The following ADGRL1 variants were observed in gnomAD, a reference collection of about 807,000 sequenced individuals.
The protein encoded by ADGRL1 is CIRL-1.
In ADGRL1, 31 loss-of-function variants were observed where a neutral mutation model predicts 148.9. That is an observed-to-expected ratio of 0.21 (90% CI 0.16 to 0.28). The LOEUF is 0.28. Ranked by LOEUF, ADGRL1 falls within the 10% of genes least tolerant of loss-of-function variation. The probability of loss-of-function intolerance (pLI) is 1.00; values close to 1 mark genes in which losing one functional copy is unlikely to be tolerated. For missense variants in ADGRL1, 1,521 were observed against 2,058.8 expected (o/e 0.74, Z 5.05); for synonymous variants, 937 against 900.3 (o/e 1.04, Z -0.73).
intron 4 of ADGRL1, among the ~76,000 whole-genome samples, chr19:14,166,837 T>C (rs529936307): frequency 1.4e-3 from 207 of 150,898 alleles, no homozygotes; most frequent in Non-Finnish European, 1.5e-3. Flanking sequence ...AGGGTGGAGA[T>C]GCCCGTGGCC....
At position 14,157,267 on chromosome 19, in the gene ADGRL1, T is replaced by C; in HGVS notation, c.2729A>G (p.Asp910Gly). 1.2e-6 allele frequency: 2 copies of C among 1,614,106 alleles called. No individual in the cohort carries two copies. The highest frequency in any genetic ancestry group is 1.7e-6 in the Non-Finnish European group (2 of 1,180,020). ...LAELLFLVGI[D>G]KTQYEIACPI... ...CCAGCCCACCTCATACTGAGTCTTGTCGATCCCGACCAGGAAGAGCAGCTC... is the reference window on the plus strand; with the variant it reads ...CCAGCCCACCTCATACTGAGTCTTGCCGATCCCGACCAGGAAGAGCAGCTC... Residue 910 changes from aspartate to glycine, a missense_variant, in exon 14 of 23, where the codon GAC (aspartate) becomes GGC (glycine). Physicochemically the swap from Asp to Gly is moderately conservative, Grantham distance 94. Coordinates refer to ENST00000361434, the MANE Select transcript of ADGRL1 (RefSeq NM_014921.5). This position sits in a 1 kb window ranked among gnomAD's most constrained non-coding sequence, Gnocchi z 7.5.
intron 1 of ADGRL1, among the ~76,000 whole-genome samples, chr19:14,199,297 C>T (rs1972455973): frequency 1.3e-5 from 2 of 152,162 alleles, no homozygotes; most frequent in Non-Finnish European, 2.9e-5. Flanking sequence ...TTTTTTGGAG[C>T]ATCTTCTATG....
rs760639433 is a variant in ADGRL1, at chr19:14,151,289, A to G, written c.3994T>C (p.Tyr1332His). The part of the protein sequence containing the change: ...GADRAEIELL[Y>H]KALEEPLLLP... ...AGCAGAGGCTCCTCCAGGGCCTTATAGAGAAGTTCAATCTCGGCCCGGTCA... is the reference window on the plus strand; with the variant it reads ...AGCAGAGGCTCCTCCAGGGCCTTATGGAGAAGTTCAATCTCGGCCCGGTCA... The change falls in exon 23 of 23, where the codon TAT (tyrosine) becomes CAT (histidine). Residue 1332 changes from tyrosine (Y) to histidine (H), a missense_variant. Physicochemically the swap from Tyr to His is moderately conservative, Grantham distance 83. This residue lies in a region of ADGRL1 where 390 missense variants were observed against 375.0 expected (regional missense o/e 1.04). Coordinates refer to ENST00000361434, the MANE Select transcript of ADGRL1 (RefSeq NM_014921.5). 1 of 1,611,342 alleles carries G rather than the reference A, an allele frequency of 6.2e-7. No individual in the cohort carries two copies. The highest frequency in any genetic ancestry group is 8.5e-7 in the Non-Finnish European group (1 of 1,179,392).
chr19:14,152,040 C>T lies in ADGRL1; in HGVS notation c.3667+93G>A, dbSNP rs145662334. ...GAAATGTGGGCATGGGGAGGCATCC[C>T]GAGTTCTCCTCCTTAAGTGAGGCCG... On this transcript the variant is annotated intron_variant, in intron 22 of 22. Transcript: ENST00000361434. This position sits in a 1 kb window ranked among gnomAD's most constrained non-coding sequence, Gnocchi z 6.1. The T allele has an allele frequency of 9.2e-4, 1,110 of 1,209,610 alleles. 2 individuals carry two copies. The highest frequency in any genetic ancestry group is 1.2e-3 in the Non-Finnish European group (1,006 of 813,754). 74.9% of individuals were successfully genotyped at this position (1,209,610 alleles called of 1,614,324 possible).
chr19:14,169,019 G>A (rs1162105652), intron 4 of ADGRL1: 1 of 152,242 alleles, frequency 6.6e-6, no homozygotes, highest in African/African-American at 2.4e-5. Flanking sequence ...ATGCGTTGTC[G>A]CTACTCCTTG....
intron 18 of ADGRL1, among the ~76,000 whole-genome samples, chr19:14,153,989 AGAG>A (rs901177698): frequency 2.6e-5 from 4 of 151,936 alleles, no homozygotes; most frequent in Admixed American, 1.3e-4. Context: ...TAAATAGATC[AGAG>A]GAGGCCTCAT....
Position 14,163,321 on chromosome 19 carries a change from C to T in ADGRL1, c.480G>A (p.Lys160=), listed in dbSNP as rs1269825767. The change falls in exon 5 of 23, where the codon AAG becomes AAA. Residue 160 remains lysine (K), a synonymous_variant. Coordinates refer to ENST00000361434, the MANE Select transcript of ADGRL1 (RefSeq NM_014921.5). ...TGCGGTCACCCGCCTGCAGCGGGTC[C>T]TTGCACCATGCGCCAGACTGGTGCT... The part of the protein sequence containing the change: ...ESEHQSGAWC[K]DPLQAGDRIY... The T allele has an allele frequency of 6.2e-7, 1 of 1,612,890 alleles. No individual in the cohort carries two copies.
intron 4 of ADGRL1, 136 bp from the exon 5 acceptor site, chr19:14,163,542 G>C: frequency 1.5e-6 from 1 of 686,220 alleles, no homozygotes; most frequent in Non-Finnish European, 2.4e-6. Flanking sequence ...GGGGAGCCAG[G>C]TTGTCCCCTC....
chr19:14,196,887 T>C (rs1033653326), intron 1 of ADGRL1, among the ~76,000 whole-genome samples: 2 of 152,130 alleles, frequency 1.3e-5, no homozygotes, highest in Non-Finnish European at 2.9e-5. Context: ...TACTAGATGC[T>C]GGCTCTGCAG....
rs996317248 is a variant in ADGRL1 at position 14,152,990 on chromosome 19, G to A, written c.3295-78C>T. Reference sequence around the variant, plus strand: ...CAGTCTCCCACAGGGCTGGTCACAAGACAGGCAGCCTTGGGAGGCCGGAGA... The same window carrying A: ...CAGTCTCCCACAGGGCTGGTCACAAAACAGGCAGCCTTGGGAGGCCGGAGA... On this transcript the variant is annotated intron_variant, in intron 18 of 22. Transcript: ENST00000361434. The surrounding 1 kb of genome is among the most constrained non-coding windows in gnomAD (Gnocchi z 6.1). 1.1e-5 allele frequency: 17 copies of A among 1,551,972 alleles called. No homozygotes were observed. Among genetic ancestry groups the A allele is most frequent in the Non-Finnish European group, 1.4e-5 (16 of 1,140,914 alleles).
intron 1 of ADGRL1, among the ~76,000 whole-genome samples, chr19:14,203,378 C>T (rs1972745243): frequency 6.6e-6 from 1 of 152,166 alleles, no homozygotes; most frequent in African/African-American, 2.4e-5. Context: ...CCCACTCCTC[C>T]CGTTCCTCTT....
chr19:14,163,476 G>GAA, intron 4 of ADGRL1, 70 bp from the exon 5 acceptor site: 1 of 1,064,634 alleles, frequency 9.4e-7, no homozygotes, highest in Non-Finnish European at 1.3e-6. Context: ...GAGAGAGAGA[G>GAA]AGAGAGAGAG....
intron 1 of ADGRL1, among the ~76,000 whole-genome samples, chr19:14,192,848 G>A (rs1278006968): frequency 6.6e-6 from 1 of 152,186 alleles, no homozygotes; most frequent in Non-Finnish European, 1.5e-5. Flanking sequence ...ACCGTGCCCA[G>A]CCTTCTAGAT....
chr19:14,177,492 G>A (rs765443958), intron 3 of ADGRL1, 39 bp downstream of exon 3: 20 of 1,572,438 alleles, frequency 1.3e-5, no homozygotes, highest in Admixed American at 8.4e-5. Context: ...GCTTTTAGGC[G>A]GGCACTTCAT....
At chr19:14,167,407 G>A (rs1257274261) in intron 4 of ADGRL1, among the ~76,000 whole-genome samples, 1 of 152,044 alleles carries the variant, frequency 6.6e-6, no homozygotes, top group African/African-American at 2.4e-5. Context: ...AGGGAGTAGG[G>A]AGCCCCAGCT....
chr19:14,151,611 G>T lies in ADGRL1; in HGVS notation c.3672C>A (p.His1224Gln), dbSNP rs769684976. 2.5e-6 allele frequency: 4 copies of T among 1,595,044 alleles called. No homozygotes were observed. The South Asian group carries it at 3.3e-5, about 13-fold the overall frequency. Residue 1224 changes from histidine (H) to glutamine (Q), a missense_variant, in exon 23 of 23, where the codon CAC (histidine) becomes CAA (glutamine). Physicochemically the swap from His to Gln is conservative, Grantham distance 24 (BLOSUM62 0). Around this residue, in one of 8 missense-constraint regions of ADGRL1, gnomAD observed 390 missense variants for 375.0 expected, o/e 1.04. Transcript: ENST00000361434. ...CACAGGCTTCCCGGCCTCCCAAGGGGTGCTCTGCAGGGCAGAAAGGGGCTG... is the reference window on the plus strand; with the variant it reads ...CACAGGCTTCCCGGCCTCCCAAGGGTTGCTCTGCAGGGCAGAAAGGGGCTG... ...NSPGSYREPKHPLGGREACGM... is the reference protein window; with the variant it reads ...NSPGSYREPKQPLGGREACGM...
In ADGRL1 at chr19:14,157,031, C is replaced by T; in HGVS notation, c.2860G>A (p.Glu954Lys). 6.2e-7 allele frequency: 1 copy of T among 1,613,986 alleles called. No individual in the cohort carries two copies. The highest frequency in any genetic ancestry group is 8.5e-7 in the Non-Finnish European group (1 of 1,179,976). The change falls in exon 15 of 23, where the codon GAG (glutamate) becomes AAG (lysine). Residue 954 changes from glutamate (E) to lysine (K), a missense_variant. Physicochemically the swap from Glu to Lys is moderately conservative, Grantham distance 56. Transcript: ENST00000361434. This position sits in a 1 kb window ranked among gnomAD's most constrained non-coding sequence, Gnocchi z 7.5. ...YLLLVEVFES[E>K]YSRTKYYYLG... The stretch of plus-strand genomic sequence containing the variant: ...TAGTAGTACTTGGTGCGGGAATACT[C>T]GCTCTCAAACACCTCCACTAGTAGC...
In ADGRL1 at chr19:14,161,445, G is replaced by A. The variant is rs1969365478; in HGVS notation, c.1377C>T (p.Thr459=). 3 of 1,473,620 alleles carry A rather than the reference G, an allele frequency of 2.0e-6. No individual in the cohort carries two copies. The highest frequency in any genetic ancestry group is 1.8e-4 in the Middle Eastern group (1 of 5,514). 91.3% of individuals were successfully genotyped at this position (1,473,620 alleles called of 1,614,324 possible). A position where few individuals can be genotyped will look rare whatever the true frequency, so the allele number is the denominator to read the frequency against. ...LPPATAPVPS[T]RRPPAPNLHV... is the part of the protein sequence containing the mutation. ...GTAGATTCGGGGCTGGGGGCCGCCG[G>A]GTGCTGGGGACTGGGGCTGTGGCTG... Residue 459 remains threonine (T), a synonymous_variant, in exon 6 of 23, where the codon ACC becomes ACT. Transcript: ENST00000361434. The surrounding 1 kb of genome is among the most constrained non-coding windows in gnomAD (Gnocchi z 4.4).
At position 14,152,405 on chromosome 19, in the gene ADGRL1, C is replaced by T. The variant is rs560203578; in HGVS notation, c.3553G>A (p.Val1185Met). 6.9e-6 allele frequency: 11 copies of T among 1,600,832 alleles called. No individual in the cohort carries two copies. The highest frequency in any genetic ancestry group is 2.2e-5 in the East Asian group (1 of 44,640). ...TMGNHLLTNP[V>M]LQPRGGTSPY... ...CTGGTGCCCCCACGGGGCTGCAGCA[C>T]GGGGTTGGTCAGCAGGTGGTTCCCC... is the stretch of plus-strand genomic sequence containing the variant. The change falls in exon 21 of 23, where the codon GTG becomes ATG. Residue 1185 changes from valine (V) to methionine (M), a missense_variant. By Grantham distance (21) the Val-to-Met change is conservative. Transcript: ENST00000361434. The surrounding 1 kb of genome is among the most constrained non-coding windows in gnomAD (Gnocchi z 6.1).
Sources: allele counts gnomAD v4.1 joint callset (sites outside exome capture counted in the v4.1 genomes callset), GRCh38; gene constraint gnomAD v4.1.1; regional missense constraint gnomAD v4.1.1; non-coding constraint Gnocchi (gnomAD v3.1); transcripts MANE v1.5; gene names NCBI Gene and HGNC (gene_info 2026-07-23, HGNC 2026-07-21).